Variants in ABI1 observed in about 807,000 individuals in gnomAD.
ABI1 encodes the protein abl interactor 1.
A neutral mutation model predicts 54.6 loss-of-function variants in ABI1; 14 were observed. The ratio of observed to expected loss-of-function variants is 0.26; its 90% CI spans 0.17 to 0.40. The LOEUF (loss-of-function observed/expected upper bound fraction) is 0.40, where lower values mean the gene tolerates loss of function less well. Among genes scored for constraint, ABI1 ranks in the 10% least tolerant of loss-of-function variants. The probability of loss-of-function intolerance (pLI) is 1.00; values close to 1 mark genes in which losing one functional copy is unlikely to be tolerated. For missense variants in ABI1, 443 were observed against 598.3 expected, an observed-to-expected ratio of 0.74 and a Z score of 2.71; for synonymous variants, 194 against 209.3, an observed-to-expected ratio of 0.93 and a Z score of 0.63.
chr10:26,749,857 G>A (rs1348759000), intron 10 of ABI1, among the ~76,000 whole-genome samples: 1 of 152,212 alleles, frequency 6.6e-6, no homozygotes, highest in Non-Finnish European at 1.5e-5. Context: ...GGACTGAGTA[G>A]TTGTGACAGA....
chr10:26,765,108 T>A, intron 7 of ABI1, 110 bp downstream of exon 7: 1 of 773,548 alleles, frequency 1.3e-6, no homozygotes, highest in Non-Finnish European at 2.0e-6. Context: ...CTAGCAACGA[T>A]CACAAATTTA....
At chr10:26,829,322 G>A (rs992142742) in intron 1 of ABI1, among the ~76,000 whole-genome samples, 1 of 151,826 alleles carries the variant, frequency 6.6e-6, no homozygotes, top group African/African-American at 2.4e-5. Flanking sequence ...AATAAAGACT[G>A]TCTAGCAGCC....
intron 1 of ABI1, among the ~76,000 whole-genome samples, chr10:26,857,458 T>G (rs940896590): frequency 6.7e-6 from 1 of 148,724 alleles, no homozygotes; most frequent in Non-Finnish European, 1.5e-5. Context: ...CTAGGCAACA[T>G]GGCAAAACCC....
At chr10:26,763,757 T>C (rs1169189597) in intron 7 of ABI1, 19 of 831,612 alleles carry the variant, frequency 2.3e-5, no homozygotes, top group East Asian at 1.9e-4. Context: ...ATTTAATACT[T>C]TAAACTTTGT....
intron 1 of ABI1, among the ~76,000 whole-genome samples, chr10:26,825,601 C>T (rs2048262028): frequency 6.6e-6 from 1 of 152,136 alleles, no homozygotes; most frequent in African/African-American, 2.4e-5. Context: ...CCAGAGGTGG[C>T]AGTGAGCTGA....
intron 1 of ABI1, among the ~76,000 whole-genome samples, chr10:26,832,995 C>T (rs1329168788): frequency 1.3e-5 from 2 of 152,206 alleles, no homozygotes; most frequent in Non-Finnish European, 2.9e-5. Flanking sequence ...AGAAATCCTA[C>T]CAGGTTATGG....
At chr10:26,841,780 G>A (rs980228399) in intron 1 of ABI1, among the ~76,000 whole-genome samples, 41 of 152,080 alleles carry the variant, frequency 2.7e-4, no homozygotes, top group African/African-American at 9.6e-4. Flanking sequence ...TGCATTTTAA[G>A]GCTGAATAAT....
chr10:26,838,003 C>G (rs2049213965), intron 1 of ABI1, among the ~76,000 whole-genome samples: 1 of 151,250 alleles, frequency 6.6e-6, no homozygotes, highest in Admixed American at 6.6e-5. Flanking sequence ...TGATACTGAT[C>G]TTTACACAAC....
chr10:26,795,884 G>GA (rs1042598974), intron 2 of ABI1, among the ~76,000 whole-genome samples: 23 of 152,070 alleles, frequency 1.5e-4, no homozygotes, highest in Non-Finnish European at 2.8e-4. Context: ...CACTGAAATA[G>GA]AAAAAACAAT....
At chr10:26,827,699 T>C (rs1256320526) in intron 1 of ABI1, among the ~76,000 whole-genome samples, 1 of 151,862 alleles carries the variant, frequency 6.6e-6, no homozygotes, top group East Asian at 1.9e-4. Context: ...TTCAAGCAAT[T>C]CTCCTGCCTC....
chr10:26,848,666 T>C (rs2050174866), intron 1 of ABI1, among the ~76,000 whole-genome samples: 1 of 141,226 alleles, frequency 7.1e-6, no homozygotes, highest in Admixed American at 7.7e-5. Flanking sequence ...TGGAGTGCAA[T>C]GGTACCATCT....
chr10:26,770,195 C>G (rs1183345606), intron 5 of ABI1, 50 bp downstream of exon 5: 1 of 1,486,144 alleles, frequency 6.7e-7, no homozygotes, highest in African/African-American at 1.4e-5. Context: ...ACAGAAACAT[C>G]TTTTCCTTTA....
At chr10:26,759,302 C>A in intron 7 of ABI1, 64 bp from the exon 8 acceptor site, 1 of 1,398,476 alleles carries the variant, frequency 7.2e-7, no homozygotes, top group Non-Finnish European at 9.7e-7. Context: ...CCTTAGATGG[C>A]AGAACAAAGC....
chr10:26,797,123 ATTTT>A (rs1471339364), intron 2 of ABI1, among the ~76,000 whole-genome samples: 1 of 152,166 alleles, frequency 6.6e-6, no homozygotes, highest in Non-Finnish European at 1.5e-5. Flanking sequence ...AGTAAAATTT[ATTTT>A]TTAAGTCTAA....
intron 1 of ABI1, among the ~76,000 whole-genome samples, chr10:26,856,112 C>T (rs2050785955): frequency 6.6e-6 from 1 of 151,276 alleles, no homozygotes; most frequent in Non-Finnish European, 1.5e-5. Flanking sequence ...ATGGTGAGAC[C>T]CTGTCTCTAC....
At chr10:26,814,673 A>G (rs902855840) in intron 2 of ABI1, among the ~76,000 whole-genome samples, 4 of 152,230 alleles carry the variant, frequency 2.6e-5, no homozygotes, top group African/African-American at 9.6e-5. Flanking sequence ...GAAAGGACTT[A>G]TCAGTAATTA....
intron 1 of ABI1, among the ~76,000 whole-genome samples, chr10:26,842,532 A>T (rs1366231992): frequency 1.3e-5 from 2 of 152,162 alleles, no homozygotes; most frequent in African/African-American, 4.8e-5. Context: ...TGAGCTTTTT[A>T]AAAAATTCCA....
intron 2 of ABI1, among the ~76,000 whole-genome samples, chr10:26,809,202 G>A (rs1424203909): frequency 6.6e-6 from 1 of 150,794 alleles, no homozygotes; most frequent in Non-Finnish European, 1.5e-5. Context: ...CCCGGGAGGC[G>A]GAGGTTGCAG....
chr10:26,811,070 T>C (rs2133560989), intron 2 of ABI1, among the ~76,000 whole-genome samples: 1 of 152,300 alleles, frequency 6.6e-6, no homozygotes, highest in South Asian at 2.1e-4. Context: ...TTAAAATTCA[T>C]AAATTTCTGC....
Sources: gnomAD v4.1 joint callset for allele counts (sites outside exome capture counted in the v4.1 genomes callset) on GRCh38, gnomAD v4.1.1 for gene constraint, MANE v1.5 for transcripts, NCBI Gene and HGNC (gene_info 2026-07-23, HGNC 2026-07-21) for gene names.